Variants in SGCZ observed in about 807,000 individuals in gnomAD.
SGCZ encodes sarcoglycan zeta.
In SGCZ, 40 loss-of-function variants were observed where a neutral mutation model predicts 41.3. The observed-to-expected ratio is 0.97, with a 90% CI of 0.75 to 1.26. SGCZ has a LOEUF of 1.26. Ranked by LOEUF, SGCZ falls within the 50% of genes most tolerant of loss-of-function variation. SGCZ has a pLI of 0.00. For synonymous variants in SGCZ, 206 were observed against 137.5 expected, an observed-to-expected ratio of 1.50 and a Z score of -3.49; for missense variants, 552 against 369.8, an observed-to-expected ratio of 1.49 and a Z score of -4.04.
chr8:14,590,828 G>A lies in SGCZ; in HGVS notation c.40-35902C>T, dbSNP rs1162699910. On this transcript the variant is annotated intron_variant, in intron 1 of 7. Coordinates refer to ENST00000382080, the MANE Select transcript of SGCZ (RefSeq NM_139167.4). The stretch of plus-strand genomic sequence containing the variant: ...GAATATATGATATATAATATATCAT[G>A]AATATGTATTCATATTATGAATAAT... Among the ~76,000 whole-genome samples the A allele has an allele frequency of 2.7e-5, 4 of 147,236 alleles. No individual in the cohort carries two copies. In the Admixed American group the frequency reaches 2.7e-4, roughly 10 times the overall value.
intron 1 of SGCZ, among the ~76,000 whole-genome samples, chr8:14,662,671 G>C (rs1169056423): frequency 1.3e-5 from 2 of 152,160 alleles, no homozygotes; most frequent in African/African-American, 2.4e-5. Flanking sequence ...TATTACATTA[G>C]AGGACAAAAG....
chr8:14,869,655 G>A lies in SGCZ; in HGVS notation c.40-314729C>T, dbSNP rs142477030. 7.4e-3 allele frequency among the ~76,000 whole-genome samples: 1,131 copies of A among 152,278 alleles called. 6 individuals are homozygous for A. The highest frequency in any genetic ancestry group is 0.031 in the Middle Eastern group (9 of 294). On this transcript the variant is annotated intron_variant, in intron 1 of 7. Coordinates refer to ENST00000382080, the MANE Select transcript of SGCZ (RefSeq NM_139167.4). Reference sequence around the variant, plus strand: ...GAAGAGAGGAAGTCAAATTGTCTCTGTTTGCAGATGACATAAATGTATATT... The same window carrying A: ...GAAGAGAGGAAGTCAAATTGTCTCTATTTGCAGATGACATAAATGTATATT...
intron 2 of SGCZ, among the ~76,000 whole-genome samples, chr8:14,378,809 T>C (rs1296252424): frequency 1.3e-5 from 2 of 152,092 alleles, no homozygotes; most frequent in Non-Finnish European, 2.9e-5. Flanking sequence ...TGTCCCAGAA[T>C]TGGTTGATGT....
At chr8:15,228,082 C>T (rs1295925495) in intron 1 of SGCZ, among the ~76,000 whole-genome samples, 1 of 152,108 alleles carries the variant, frequency 6.6e-6, no homozygotes, top group Non-Finnish European at 1.5e-5. Flanking sequence ...AGATGTTAAA[C>T]ATTTTAAAGT....
intron 2 of SGCZ, among the ~76,000 whole-genome samples, chr8:14,458,926 A>G (rs986064178): frequency 1.3e-5 from 2 of 152,180 alleles, no homozygotes; most frequent in Admixed American, 6.5e-5. Context: ...ATATGAGATG[A>G]GCCTCGAAAT....
chr8:14,702,970 T>TAGATAGATAGATAGACAGAC (rs1481150630), intron 1 of SGCZ, among the ~76,000 whole-genome samples: 1 of 129,122 alleles, frequency 7.7e-6, no homozygotes, highest in Non-Finnish European at 1.7e-5. Context: ...GATAGATAGA[T>TAGATAGATAGATAGACAGAC]AGACAGACAG....
At chr8:14,330,552 G>A (rs964337726) in intron 2 of SGCZ, among the ~76,000 whole-genome samples, 10 of 151,670 alleles carry the variant, frequency 6.6e-5, no homozygotes, top group Admixed American at 1.3e-4. Flanking sequence ...TACGATTTAA[G>A]AATATTTAAA....
chr8:14,305,535 T>C (rs1801322237), intron 3 of SGCZ, among the ~76,000 whole-genome samples: 1 of 152,206 alleles, frequency 6.6e-6, no homozygotes, highest in African/African-American at 2.4e-5. Flanking sequence ...ATTAATCTTA[T>C]TAAATTTAAC....
intron 2 of SGCZ, among the ~76,000 whole-genome samples, chr8:14,389,929 A>T (rs1804706748): frequency 6.6e-6 from 1 of 152,028 alleles, no homozygotes; most frequent in African/African-American, 2.4e-5. Context: ...GTATGAAGTA[A>T]ATGACAAGTT....
At chr8:14,729,408 T>C (rs1810160630) in intron 1 of SGCZ, among the ~76,000 whole-genome samples, 1 of 152,188 alleles carries the variant, frequency 6.6e-6, no homozygotes, top group African/African-American at 2.4e-5. Flanking sequence ...TAAGACTGTT[T>C]TTGAAGACAG....
chr8:14,790,977 G>C (rs1352242219), intron 1 of SGCZ, among the ~76,000 whole-genome samples: 3 of 150,460 alleles, frequency 2.0e-5, no homozygotes, highest in African/African-American at 7.4e-5. Flanking sequence ...GTTGCAGTGA[G>C]CCAAGATCAC....
At chr8:15,095,570 C>A (rs1326785793) in intron 1 of SGCZ, among the ~76,000 whole-genome samples, 1 of 151,958 alleles carries the variant, frequency 6.6e-6, no homozygotes, top group Admixed American at 6.6e-5. Context: ...AATTAAGATT[C>A]CTCACAAATA....
At chr8:15,230,144 A>G (rs532543513) in intron 1 of SGCZ, among the ~76,000 whole-genome samples, 3 of 151,846 alleles carry the variant, frequency 2.0e-5, no homozygotes, top group Admixed American at 2.0e-4. Flanking sequence ...CGGTAATTTG[A>G]CCCAAAACTA....
At chr8:14,594,360 T>C (rs1005898297) in intron 1 of SGCZ, among the ~76,000 whole-genome samples, 3 of 151,992 alleles carry the variant, frequency 2.0e-5, no homozygotes, top group African/African-American at 7.2e-5. Flanking sequence ...GAAACACTGA[T>C]GTAGCATTAA....
At chr8:14,832,962 T>C (rs1358466716) in intron 1 of SGCZ, among the ~76,000 whole-genome samples, 1 of 152,094 alleles carries the variant, frequency 6.6e-6, no homozygotes, top group Non-Finnish European at 1.5e-5. Context: ...AATTTTAAAA[T>C]ATTTCTATAT....
At chr8:14,902,312 T>G (rs1798993601) in intron 1 of SGCZ, among the ~76,000 whole-genome samples, 1 of 152,124 alleles carries the variant, frequency 6.6e-6, no homozygotes, top group Non-Finnish European at 1.5e-5. Flanking sequence ...TTCTACAGTT[T>G]GATCCTCTCT....
chr8:14,366,788 A>T (rs1278958391), intron 2 of SGCZ, among the ~76,000 whole-genome samples: 1 of 152,154 alleles, frequency 6.6e-6, no homozygotes. Context: ...ATCAGCCTGT[A>T]ATATCAAAGG....
In SGCZ at chr8:15,237,572, G is replaced by T; in HGVS notation, c.39+13C>A. On this transcript the variant is annotated intron_variant, in intron 1 of 7. Transcript: ENST00000382080. ...GAGAAGCGGCCGCGAAGCCCGCCCG[G>T]ACCCGCACGTACCTTGAGCTCCTCA... 1 of 1,587,252 alleles carries T rather than the reference G, an allele frequency of 6.3e-7. No homozygotes were observed. The highest frequency in any genetic ancestry group is 8.6e-7 in the Non-Finnish European group (1 of 1,164,820).
At chr8:14,847,123 AAGAAAGAAGAAGAAGAAGAAGAAGAAG>A (rs1158938292) in intron 1 of SGCZ, among the ~76,000 whole-genome samples, 5 of 103,314 alleles carry the variant, frequency 4.8e-5, no homozygotes, top group African/African-American at 1.8e-4. Context: ...GAAGAAGAAG[AAGAAAGAAGAAGAAGAAGAAGAAGAAG>A]AAGAAGAAGA....
Sources: allele counts gnomAD v4.1 joint callset (sites outside exome capture counted in the v4.1 genomes callset), GRCh38; gene constraint gnomAD v4.1.1; transcripts MANE v1.5; gene names NCBI Gene and HGNC (gene_info 2026-07-23, HGNC 2026-07-21).